Variants in MARK2 observed in about 807,000 individuals in gnomAD.
MARK2 encodes microtubule affinity regulating kinase 2.
A neutral mutation model predicts 89.8 loss-of-function variants in MARK2; 16 were observed. The observed-to-expected ratio is 0.18, with a 90% CI of 0.12 to 0.27. MARK2 has a LOEUF of 0.27. Among genes scored for constraint, MARK2 ranks in the 10% least tolerant of loss-of-function variants. The probability of loss-of-function intolerance (pLI) is 1.00; values close to 1 mark genes in which losing one functional copy is unlikely to be tolerated. For missense variants in MARK2, 621 were observed against 1,049.9 expected (o/e 0.59, Z 5.65); for synonymous variants, 382 against 399.5 (o/e 0.96, Z 0.52).
At chr11:63,862,725 G>A (rs750490247) in intron 1 of MARK2, among the ~76,000 whole-genome samples, 4 of 152,008 alleles carry the variant, frequency 2.6e-5, no homozygotes, top group African/African-American at 4.8e-5. Context: ...CCAAAGCCCC[G>A]AGTCCTAAAA....
Position 63,908,965 on chromosome 11 carries a change from A to G in MARK2, c.2095A>G (p.Met699Val), listed in dbSNP as rs1941572758. 6.4e-7 allele frequency: 1 copy of G among 1,559,002 alleles called. No individual in the cohort carries two copies. The highest frequency in any genetic ancestry group is 8.7e-7 in the Non-Finnish European group (1 of 1,143,820). Reference sequence around the variant, plus strand: ...CCGCTCCCTCCGCTTCACGTGGAGTATGAAGACCACGAGCTCCATGGAGCC... The same window carrying G: ...CCGCTCCCTCCGCTTCACGTGGAGTGTGAAGACCACGAGCTCCATGGAGCC... ...KPRSLRFTWS[M>V]KTTSSMEPNE... is the part of the protein sequence containing the mutation. The change falls in exon 19 of 19, where the codon ATG (methionine) becomes GTG (valine). Residue 699 changes from methionine to valine, a missense_variant. By Grantham distance (21) the Met-to-Val change is conservative. Around this residue, in one of 5 missense-constraint regions of MARK2, gnomAD observed 397 missense variants for 567.8 expected, o/e 0.70. Transcript: ENST00000402010.
rs1247763304 is a variant in MARK2, at chr11:63,910,570, A to G, written c.*1333A>G. Reference sequence around the variant, plus strand: ...CTGTTCTTGAGAAATTGGGGGTGGGAGTCCTACACAGAGGCTGCCCCTACC... The same window carrying G: ...CTGTTCTTGAGAAATTGGGGGTGGGGGTCCTACACAGAGGCTGCCCCTACC... On this transcript the variant is annotated 3_prime_UTR_variant, in exon 19 of 19. Transcript: ENST00000402010. 1 of 151,902 alleles carries G rather than the reference A, an allele frequency of 6.6e-6. No individual in the cohort carries two copies. Among genetic ancestry groups the G allele is most frequent in the African/African-American group, 2.4e-5 (1 of 41,322 alleles). The allele number at this position is 151,902 out of a possible 1,614,324, so 9.4% of individuals were successfully genotyped here.
At chr11:63,864,360 C>G (rs866435953) in intron 1 of MARK2, among the ~76,000 whole-genome samples, 1 of 152,196 alleles carries the variant, frequency 6.6e-6, no homozygotes, top group Admixed American at 6.5e-5. Context: ...TCAAGCGATT[C>G]TCCTGCCTCA....
chr11:63,876,681 T>C (rs921240400), intron 1 of MARK2, among the ~76,000 whole-genome samples: 1 of 150,476 alleles, frequency 6.6e-6, no homozygotes, highest in African/African-American at 2.4e-5. Flanking sequence ...TTAGGATTTG[T>C]TGGGTAGGAG....
intron 4 of MARK2, 121 bp downstream of exon 4, chr11:63,898,401 G>T (rs1940591305): frequency 9.5e-6 from 10 of 1,049,212 alleles, no homozygotes; most frequent in Non-Finnish European, 1.5e-5. Flanking sequence ...GATACCCCTG[G>T]GGAAGCTCAG....
chr11:63,853,848 T>C (rs1177803176), intron 1 of MARK2, among the ~76,000 whole-genome samples: 2 of 151,902 alleles, frequency 1.3e-5, no homozygotes, highest in African/African-American at 2.4e-5. Context: ...TATTTACTTA[T>C]TTATTTATTT....
At chr11:63,850,350 G>C (rs1414633459) in intron 1 of MARK2, among the ~76,000 whole-genome samples, 1 of 76,088 alleles carries the variant, frequency 1.3e-5, no homozygotes, top group East Asian at 3.3e-4. Context: ...TGGATTTTTA[G>C]TAGAGATGGG....
chr11:63,905,380 T>G (rs955955572), intron 16 of MARK2, among the ~76,000 whole-genome samples: 5 of 152,176 alleles, frequency 3.3e-5, no homozygotes, highest in Non-Finnish European at 5.9e-5. Flanking sequence ...TGGAAACTTA[T>G]ATTTGGTGAC....
intron 1 of MARK2, among the ~76,000 whole-genome samples, chr11:63,843,160 T>C (rs909883090): frequency 6.6e-6 from 1 of 152,218 alleles, no homozygotes; most frequent in Non-Finnish European, 1.5e-5. Context: ...GTTTGTGAGC[T>C]GAGCTTTTTG....
At chr11:63,906,660 C>T (rs926047714) in intron 17 of MARK2, among the ~76,000 whole-genome samples, 3 of 151,978 alleles carry the variant, frequency 2.0e-5, no homozygotes. Context: ...GTGACCTCTT[C>T]CCCGTGGCCT....
intron 1 of MARK2, among the ~76,000 whole-genome samples, chr11:63,889,210 C>T (rs1939623308): frequency 6.6e-6 from 1 of 152,084 alleles, no homozygotes; most frequent in Admixed American, 6.5e-5. Flanking sequence ...TGGTGGGAGG[C>T]AGAGGCCTGA....
At chr11:63,893,813 A>T (rs1036921139) in intron 1 of MARK2, among the ~76,000 whole-genome samples, 2 of 152,248 alleles carry the variant, frequency 1.3e-5, no homozygotes, top group Admixed American at 6.5e-5. Flanking sequence ...TATTTCATGC[A>T]CAAAATTATT....
At chr11:63,889,264 A>G (rs1163528730) in intron 1 of MARK2, among the ~76,000 whole-genome samples, 1 of 152,160 alleles carries the variant, frequency 6.6e-6, no homozygotes, top group Non-Finnish European at 1.5e-5. Context: ...GGGGGAGCCT[A>G]GGATCTGGGG....
intron 1 of MARK2, among the ~76,000 whole-genome samples, chr11:63,855,932 A>G (rs2873628): frequency 0.99 from 150,757 of 152,358 alleles, 74,605 homozygotes; most frequent in Middle Eastern, 1. Flanking sequence ...AAACATGTGG[A>G]TTTATGATCT....
At position 63,909,270 on chromosome 11, in the gene MARK2, G is replaced by A. The variant is rs1941595322; in HGVS notation, c.*33G>A. On this transcript the variant is annotated 3_prime_UTR_variant, in exon 19 of 19. Coordinates refer to ENST00000402010, the MANE Select transcript of MARK2 (RefSeq NM_001039469.3). ...CCAGGAGCGGGGGCGGCGGGGGCGG[G>A]CCAGCTGGACGGGCTGCCGGCCGCT... 6 of 1,541,706 alleles carry A rather than the reference G, an allele frequency of 3.9e-6. No homozygotes were observed. The highest frequency in any genetic ancestry group is 1.2e-5 in the South Asian group (1 of 82,956).
intron 1 of MARK2, among the ~76,000 whole-genome samples, chr11:63,869,544 C>T (rs1203543057): frequency 6.6e-6 from 1 of 151,974 alleles, no homozygotes; most frequent in African/African-American, 2.4e-5. Context: ...CTGGGAGGGG[C>T]CGGGAGCTTG....
chr11:63,903,435 C>T lies in MARK2; in HGVS notation c.1514+277C>T. On this transcript the variant is annotated intron_variant, in intron 14 of 18. Transcript: ENST00000402010. This position sits in a 1 kb window ranked among gnomAD's most constrained non-coding sequence, Gnocchi z 5.1. ...CTTCTTGACCACGGCCAGGGCATGG[C>T]AGCTGCCCTCCTCTAGACATGAGCA... 1 of 470,320 alleles carries T rather than the reference C, an allele frequency of 2.1e-6. No homozygotes were observed. The highest frequency in any genetic ancestry group is 2.1e-5 in the South Asian group (1 of 48,212). The allele number at this position is 470,320 out of a possible 1,614,324, so 29.1% of individuals were successfully genotyped here.
chr11:63,864,136 A>T (rs1481421695), intron 1 of MARK2, among the ~76,000 whole-genome samples: 1 of 151,298 alleles, frequency 6.6e-6, no homozygotes, highest in African/African-American at 2.4e-5. Flanking sequence ...TTGTATTTTT[A>T]GTAGAGACAG....
chr11:63,845,137 CT>C (rs755238089), intron 1 of MARK2, among the ~76,000 whole-genome samples: 2 of 152,168 alleles, frequency 1.3e-5, no homozygotes, highest in Non-Finnish European at 2.9e-5. Context: ...GGTCATCTTC[CT>C]TCCCTGAGAC....
Sources: allele counts gnomAD v4.1 joint callset (sites outside exome capture counted in the v4.1 genomes callset), GRCh38; gene constraint gnomAD v4.1.1; regional missense constraint gnomAD v4.1.1; non-coding constraint Gnocchi (gnomAD v3.1); transcripts MANE v1.5; gene names NCBI Gene and HGNC (gene_info 2026-07-23, HGNC 2026-07-21).